The following SPECC1 variants were observed in gnomAD, a reference collection of about 807,000 sequenced individuals.
SPECC1 encodes sperm antigen with calponin homology and coiled-coil domains 1.
Under a neutral mutation model 104.1 loss-of-function variants are expected in SPECC1, and 62 were observed. The observed-to-expected ratio is 0.60, with a 90% CI of 0.49 to 0.74. The LOEUF is 0.74. SPECC1 is among the 30% of genes least tolerant of loss of function. The pLI is 0.00. For synonymous variants in SPECC1, 513 were observed against 501.6 expected, an observed-to-expected ratio of 1.02 and a Z score of -0.30; for missense variants, 1,306 against 1,310.5, an observed-to-expected ratio of 1.00 and a Z score of 0.05.
intron 1 of SPECC1, among the ~76,000 whole-genome samples, chr17:20,087,395 G>A (rs972050569): frequency 6.6e-6 from 1 of 151,984 alleles, no homozygotes; most frequent in Non-Finnish European, 1.5e-5. Context: ...CACATCCATG[G>A]GGCTCTCATC....
At chr17:20,212,278 G>A (rs1238412591) in intron 4 of SPECC1, among the ~76,000 whole-genome samples, 1 of 152,164 alleles carries the variant, frequency 6.6e-6, no homozygotes, top group African/African-American at 2.4e-5. Context: ...CGAGCAGAGG[G>A]AGTTTTGCAG....
intron 3 of SPECC1, among the ~76,000 whole-genome samples, chr17:20,200,878 A>T (rs7225249): frequency 0.013 from 1,984 of 148,514 alleles, 38 homozygotes; most frequent in East Asian, 0.083. Flanking sequence ...TGGAAAACAG[A>T]GACAGACATA....
intron 1 of SPECC1, among the ~76,000 whole-genome samples, chr17:20,041,092 A>G (rs567286989): frequency 9.9e-4 from 145 of 146,062 alleles, no homozygotes; most frequent in African/African-American, 3.0e-3. Flanking sequence ...TGGCCAGTCT[A>G]TTTTCTTTCT....
rs752324397 is a variant in SPECC1, at chr17:20,096,685, A to C, written c.34A>C (p.Ile12Leu). Residue 12 changes from isoleucine to leucine, a missense_variant, in exon 2 of 15, where the codon ATC becomes CTC. By Grantham distance (5) the Ile-to-Leu change is conservative. This residue lies in a region of SPECC1 where 1,177 missense variants were observed against 1,139.9 expected (regional missense o/e 1.03). Transcript: ENST00000395527. ...RSAAKPWNPAIRAGGHGPDRV... is the reference protein window; with the variant it reads ...RSAAKPWNPALRAGGHGPDRV... Reference sequence around the variant, plus strand: ...TGCAGCCAAGCCCTGGAACCCAGCCATCAGAGCAGGGGGCCACGGCCCAGA... The same window carrying C: ...TGCAGCCAAGCCCTGGAACCCAGCCCTCAGAGCAGGGGGCCACGGCCCAGA... The C allele has an allele frequency of 3.1e-6, 5 of 1,614,002 alleles. No individual in the cohort carries two copies. The highest frequency in any genetic ancestry group is 1.7e-5 in the Admixed American group (1 of 60,002).
At chr17:20,034,926 T>C (rs2045001310) in intron 1 of SPECC1, among the ~76,000 whole-genome samples, 1 of 152,164 alleles carries the variant, frequency 6.6e-6, no homozygotes, top group African/African-American at 2.4e-5. Context: ...GTTTTATAGA[T>C]GTATATCTTA....
chr17:20,164,950 G>C lies in SPECC1; in HGVS notation c.284-39383G>C, dbSNP rs183497742. The stretch of plus-strand genomic sequence containing the variant: ...ATTTAACTCCAAAGAACTTTGACTT[G>C]ATAGAATACTGCCTGGTTTTTTTAT... On this transcript the variant is annotated intron_variant, in intron 3 of 14. Transcript: ENST00000395527. Among the ~76,000 whole-genome samples, 522 of 152,190 alleles carry C rather than the reference G, an allele frequency of 3.4e-3. 1 individual carries two copies. The highest frequency in any genetic ancestry group is 0.012 in the African/African-American group (504 of 41,520).
At chr17:20,249,230 C>T (rs536298991) in intron 9 of SPECC1, among the ~76,000 whole-genome samples, 3 of 152,042 alleles carry the variant, frequency 2.0e-5, no homozygotes, top group South Asian at 2.1e-4. Flanking sequence ...CCAGGGTGGC[C>T]GACATAGTGA....
intron 3 of SPECC1, among the ~76,000 whole-genome samples, chr17:20,146,974 C>A (rs983498544): frequency 2.0e-5 from 3 of 152,094 alleles, no homozygotes; most frequent in Non-Finnish European, 4.4e-5. Flanking sequence ...GCATTTCCAC[C>A]AGCAATGAAT....
At chr17:20,218,100 A>G (rs1177365661) in intron 4 of SPECC1, among the ~76,000 whole-genome samples, 2 of 152,236 alleles carry the variant, frequency 1.3e-5, no homozygotes, top group African/African-American at 4.8e-5. Flanking sequence ...TGCTAAGTAT[A>G]TATTGGTCTT....
intron 1 of SPECC1, among the ~76,000 whole-genome samples, chr17:20,085,353 TA>T (rs1567831801): frequency 6.6e-6 from 1 of 152,184 alleles, no homozygotes; most frequent in Non-Finnish European, 1.5e-5. Context: ...GGCACATCCA[TA>T]GGGGGCAGCG....
chr17:20,257,102 A>G (rs2039860585), intron 10 of SPECC1, among the ~76,000 whole-genome samples: 1 of 152,094 alleles, frequency 6.6e-6, no homozygotes, highest in South Asian at 2.1e-4. Context: ...TCTCTCTCAG[A>G]TGTCTGTCAG....
chr17:20,172,742 GT>G (rs2034184613), intron 3 of SPECC1, among the ~76,000 whole-genome samples: 1 of 152,196 alleles, frequency 6.6e-6, no homozygotes, highest in Non-Finnish European at 1.5e-5. Flanking sequence ...CCCTTGATGA[GT>G]TTTAATCTGC....
intron 3 of SPECC1, among the ~76,000 whole-genome samples, chr17:20,165,202 AC>A (rs1567893807): frequency 7.1e-6 from 1 of 141,020 alleles, no homozygotes; most frequent in South Asian, 2.2e-4. Context: ...CCCTCCTACT[AC>A]CCCCGCCCTG....
At chr17:20,140,995 C>T (rs572200581) in intron 3 of SPECC1, among the ~76,000 whole-genome samples, 1 of 152,290 alleles carries the variant, frequency 6.6e-6, no homozygotes, top group East Asian at 1.9e-4. Flanking sequence ...TGGTGAACAA[C>T]GACGGGGCCT....
In SPECC1 at chr17:20,247,242, G is replaced by A. The variant is rs370000502; in HGVS notation, c.2521G>A (p.Val841Ile). 2.5e-6 allele frequency: 4 copies of A among 1,613,256 alleles called. No homozygotes were observed. The African/African-American group carries it at 4.0e-5, about 16-fold the overall frequency. Residue 841 changes from valine (V) to isoleucine (I), a missense_variant, in exon 9 of 15, where the codon GTC becomes ATC. Val to Ile is a conservative substitution (Grantham distance 29). Transcript: ENST00000395527. Reference protein sequence around the residue: ...RPGGAGQNISVHKTPRSPLSG... With the variant: ...RPGGAGQNISIHKTPRSPLSG... ...AGGTGGAGCTGGACAGAATATTTCT[G>A]TCCATAAGACCCCCAGAAGTCCCCT...
intron 3 of SPECC1, among the ~76,000 whole-genome samples, chr17:20,197,895 A>G (rs900687742): frequency 2.0e-5 from 3 of 152,066 alleles, no homozygotes; most frequent in African/African-American, 7.2e-5. Flanking sequence ...TTTTTTTTGC[A>G]TTAATCAAAA....
At chr17:20,205,957 A>G (rs747922318) in intron 4 of SPECC1, 45 bp downstream of exon 4, 1 of 1,559,076 alleles carries the variant, frequency 6.4e-7, no homozygotes, top group South Asian at 1.2e-5. Context: ...ATCCTTGTTC[A>G]CATTTCTGCC....
At chr17:20,090,832 T>C (rs1023834652) in intron 1 of SPECC1, among the ~76,000 whole-genome samples, 1 of 152,168 alleles carries the variant, frequency 6.6e-6, no homozygotes, top group Non-Finnish European at 1.5e-5. Flanking sequence ...GCCTCTCTCT[T>C]GGGTCTGCAT....
At chr17:20,038,794 C>T (rs574262045) in intron 1 of SPECC1, among the ~76,000 whole-genome samples, 13 of 152,288 alleles carry the variant, frequency 8.5e-5, no homozygotes, top group African/African-American at 1.2e-4. Context: ...CTTTGACCCA[C>T]GGATGATTTT....
Sources: allele counts gnomAD v4.1 joint callset (sites outside exome capture counted in the v4.1 genomes callset), GRCh38; gene constraint gnomAD v4.1.1; regional missense constraint gnomAD v4.1.1; transcripts MANE v1.5; gene names NCBI Gene and HGNC (gene_info 2026-07-23, HGNC 2026-07-21).